MPP7: variants seen among roughly 807,000 people sequenced by gnomAD.
The protein encoded by MPP7 is MAGUK p55 scaffold protein 7, also known as MAGUK p55 subfamily member 7.
MPP7 carries 60 observed loss-of-function variants against 76.5 expected under a neutral mutation model. That is an observed-to-expected ratio of 0.78 (90% CI 0.64 to 0.97). The LOEUF (loss-of-function observed/expected upper bound fraction) is 0.97. MPP7 is among the 50% of genes least tolerant of loss of function. The pLI is 0.00. For missense variants in MPP7, 641 were observed against 694.0 expected, an observed-to-expected ratio of 0.92 and a Z score of 0.86; for synonymous variants, 237 against 244.5, an observed-to-expected ratio of 0.97 and a Z score of 0.29.
intron 2 of MPP7, among the ~76,000 whole-genome samples, chr10:28,212,105 C>T (rs1235338772): frequency 6.6e-6 from 1 of 151,710 alleles, no homozygotes; most frequent in Non-Finnish European, 1.5e-5. Flanking sequence ...AGAATGAGAC[C>T]CTGTCTCGTA....
chr10:28,234,809 TTTG>T (rs1839014849), intron 2 of MPP7, among the ~76,000 whole-genome samples: 1 of 152,050 alleles, frequency 6.6e-6, no homozygotes, highest in South Asian at 2.1e-4. Flanking sequence ...TTTGTTTTGT[TTTG>T]TTGTTTTGTT....
intron 12 of MPP7, among the ~76,000 whole-genome samples, chr10:28,080,262 C>T (rs1206680345): frequency 6.6e-6 from 1 of 152,200 alleles, no homozygotes; most frequent in African/African-American, 2.4e-5. Context: ...ACTCATCTCA[C>T]TCTACTTCAA....
chr10:28,152,193 C>A (rs117289113), intron 3 of MPP7, among the ~76,000 whole-genome samples: 48 of 152,316 alleles, frequency 3.2e-4, no homozygotes, highest in Admixed American at 1.1e-3. Context: ...ATCATCTTCT[C>A]CAGATCCTGA....
rs140090141 is a variant in MPP7, at chr10:28,332,915, A to G, written c.-206+1503T>C. ...CAACCTCAAGCAATCCTCCCACCCC[A>G]GCACCCCAAAGTGCTGGGATTACAG... On this transcript the variant is annotated intron_variant, in intron 1 of 11. Coordinates refer to the MPP7 transcript ENST00000441595. Among the ~76,000 whole-genome samples the G allele has an allele frequency of 9.2e-3, 1,402 of 152,126 alleles. 27 individuals are homozygous for G. Among genetic ancestry groups the G allele is most frequent in the African/African-American group, 0.032 (1,346 of 41,496 alleles).
At chr10:28,307,992 C>T (rs1841268496), upstream of MPP7, among the ~76,000 whole-genome samples, 1 of 152,220 alleles carries the variant, frequency 6.6e-6, no homozygotes, top group Admixed American at 6.5e-5. Flanking sequence ...GTACTTGAAA[C>T]ATCCAACTCC....
chr10:28,260,505 G>A lies in MPP7; in HGVS notation c.-131-21770C>T, dbSNP rs138320745. ...TAGTATGTTTCTGGCCAGGCATGGT[G>A]GCTCATGCCTGTAATCCCAACACTT... On this transcript the variant is annotated intron_variant, in intron 1 of 16. Coordinates refer to ENST00000683449, the MANE Select transcript of MPP7 (RefSeq NM_001318170.2). 2.3e-4 allele frequency among the ~76,000 whole-genome samples: 35 copies of A among 152,164 alleles called. 1 individual carries two copies. The highest frequency in any genetic ancestry group is 8.2e-4 in the African/African-American group (34 of 41,528).
At chr10:28,058,343 C>T (rs1851643917) in intron 15 of MPP7, 152 bp downstream of exon 15, 1 of 458,016 alleles carries the variant, frequency 2.2e-6, no homozygotes, top group Non-Finnish European at 3.9e-6. Flanking sequence ...AAAGATGTCT[C>T]CAATTATATT....
intron 1 of MPP7, among the ~76,000 whole-genome samples, chr10:28,268,538 C>G (rs1200651743): frequency 1.3e-5 from 2 of 152,196 alleles, no homozygotes; most frequent in East Asian, 3.9e-4. Context: ...TCGAGACCAG[C>G]CTGGTCAACA....
intron 5 of MPP7, among the ~76,000 whole-genome samples, chr10:28,138,794 A>G (rs573217968): frequency 3.0e-4 from 45 of 152,262 alleles, no homozygotes; most frequent in Non-Finnish European, 5.9e-4. Context: ...TGAATGTCAT[A>G]TAAATGTACA....
intron 3 of MPP7, among the ~76,000 whole-genome samples, chr10:28,197,374 G>A (rs752908380): frequency 8.6e-5 from 13 of 151,864 alleles, no homozygotes; most frequent in Admixed American, 3.9e-4. Flanking sequence ...GTAGAGACAG[G>A]GTTTCACCAT....
intron 1 of MPP7, among the ~76,000 whole-genome samples, chr10:28,239,336 G>A (rs1839189307): frequency 1.3e-5 from 2 of 151,464 alleles, no homozygotes; most frequent in African/African-American, 4.9e-5. Context: ...AATAGAGACG[G>A]GGGTTTCACC....
At chr10:28,211,254 G>A (rs1034333138) in intron 2 of MPP7, among the ~76,000 whole-genome samples, 9 of 151,940 alleles carry the variant, frequency 5.9e-5, no homozygotes, top group African/African-American at 1.9e-4. Flanking sequence ...GTACACCACT[G>A]CACCTGGTAT....
At chr10:28,084,870 G>T (rs1339163028) in intron 12 of MPP7, among the ~76,000 whole-genome samples, 2 of 152,150 alleles carry the variant, frequency 1.3e-5, no homozygotes, top group African/African-American at 4.8e-5. Flanking sequence ...AAGAAACCCT[G>T]CCTAGACAGT....
chr10:28,220,391 A>G (rs1464455592), intron 2 of MPP7, among the ~76,000 whole-genome samples: 1 of 151,920 alleles, frequency 6.6e-6, no homozygotes, highest in Non-Finnish European at 1.5e-5. Context: ...AATCGATTAC[A>G]TTTACGTTAC....
intron 11 of MPP7, among the ~76,000 whole-genome samples, chr10:28,105,988 A>AT (rs1257624602): frequency 6.6e-6 from 1 of 152,166 alleles, no homozygotes; most frequent in Admixed American, 6.6e-5. Context: ...TTTGATATGA[A>AT]TTATTACATG....
chr10:28,311,779 C>CACACAT (rs1241804918), intron 2 of MPP7, among the ~76,000 whole-genome samples: 1 of 151,982 alleles, frequency 6.6e-6, no homozygotes, highest in Non-Finnish European at 1.5e-5. Flanking sequence ...CACACACACA[C>CACACAT]ACACACAAAC....
intron 2 of MPP7, among the ~76,000 whole-genome samples, chr10:28,316,294 G>A (rs771827729): frequency 3.3e-5 from 5 of 151,676 alleles, no homozygotes; most frequent in African/African-American, 7.3e-5. Flanking sequence ...AAAATTAGCC[G>A]GGCATGGTGG....
chr10:28,176,918 T>C (rs1432007036), intron 3 of MPP7, among the ~76,000 whole-genome samples: 3 of 148,518 alleles, frequency 2.0e-5, no homozygotes, highest in African/African-American at 2.5e-5. Context: ...AGGAGATATA[T>C]CTAATGTAAA....
At chr10:28,067,047 A>C (rs950036321) in intron 13 of MPP7, among the ~76,000 whole-genome samples, 4 of 152,114 alleles carry the variant, frequency 2.6e-5, no homozygotes, top group African/African-American at 9.7e-5. Flanking sequence ...ATGCATTTCC[A>C]TTGGGTGTGC....
Sources: allele counts gnomAD v4.1 joint callset (sites outside exome capture counted in the v4.1 genomes callset), GRCh38; gene constraint gnomAD v4.1.1; transcripts MANE v1.5; gene names NCBI Gene and HGNC (gene_info 2026-07-23, HGNC 2026-07-21).